DGKD: variants seen among roughly 807,000 people sequenced by gnomAD.
DGKD encodes the protein DAG kinase delta.
A neutral mutation model predicts 154.4 loss-of-function variants in DGKD; 68 were observed. That is an observed-to-expected ratio of 0.44 (90% CI 0.36 to 0.54). DGKD has a LOEUF of 0.54. Ranked by LOEUF, DGKD falls within the 20% of genes least tolerant of loss-of-function variation. The pLI, the probability that DGKD is intolerant of heterozygous loss-of-function variation, is 0.00. For missense variants in DGKD, 1,343 were observed against 1,593.6 expected, an observed-to-expected ratio of 0.84 and a Z score of 2.68; for synonymous variants, 693 against 638.0, an observed-to-expected ratio of 1.09 and a Z score of -1.30.
intron 1 of DGKD, among the ~76,000 whole-genome samples, chr2:233,363,456 T>A (rs1701879829): frequency 6.6e-6 from 1 of 152,122 alleles, no homozygotes; most frequent in African/African-American, 2.4e-5. Flanking sequence ...AGTAAAAAAT[T>A]AAATTAAAAG....
chr2:233,468,625 C>T, intron 29 of DGKD, 72 bp downstream of exon 29: 2 of 1,593,686 alleles, frequency 1.3e-6, no homozygotes, highest in Non-Finnish European at 1.7e-6. Flanking sequence ...CCATCCTCTC[C>T]CCCGACCTGG....
At position 233,390,496 on chromosome 2, in the gene DGKD, A is replaced by G; in HGVS notation, c.348+13A>G. 6.2e-7 allele frequency: 1 copy of G among 1,607,376 alleles called. No homozygotes were observed. The highest frequency in any genetic ancestry group is 8.5e-7 in the Non-Finnish European group (1 of 1,173,990). On this transcript the variant is annotated intron_variant, in intron 3 of 29. Coordinates refer to ENST00000264057, the MANE Select transcript of DGKD (RefSeq NM_152879.3). ...CAACAGTTTTACGGTAAGATTCCTC[A>G]GTCATGCCTTTCTTGATTCTTCACT...
At position 233,438,792 on chromosome 2, in the gene DGKD, A is replaced by ATCTG. The variant is rs2062796087; in HGVS notation, c.1085+416_1085+417insGTCT. Among the ~76,000 whole-genome samples, 1 of 147,942 alleles carries ATCTG rather than the reference A, an allele frequency of 6.8e-6. No individual in the cohort carries two copies. Among genetic ancestry groups the ATCTG allele is most frequent in the Admixed American group, 6.6e-5 (1 of 15,058 alleles). ...TATCTATCTATCTATCTATCTATCT[A>ATCTG]TCTATCTATCTATCTATCTATCTGT... is the stretch of plus-strand genomic sequence containing the variant. On this transcript the variant is annotated intron_variant, in intron 9 of 29. Coordinates refer to ENST00000264057, the MANE Select transcript of DGKD (RefSeq NM_152879.3). This position sits in a 1 kb window ranked among gnomAD's most constrained non-coding sequence, Gnocchi z 4.1.
intron 1 of DGKD, among the ~76,000 whole-genome samples, chr2:233,384,009 A>G (rs931143523): frequency 6.6e-6 from 1 of 152,112 alleles, no homozygotes; most frequent in African/African-American, 2.4e-5. Flanking sequence ...ATGTGGCTAT[A>G]TGGTGATAAT....
intron 4 of DGKD, 139 bp downstream of exon 4, chr2:233,434,623 T>C: frequency 6.9e-7 from 1 of 1,444,800 alleles, no homozygotes; most frequent in Admixed American, 2.0e-5. Context: ...AATTAAAGCT[T>C]ATTGCTTGTC....
At chr2:233,446,928 G>A in intron 12 of DGKD, 132 bp downstream of exon 12, 1 of 1,027,996 alleles carries the variant, frequency 9.7e-7, no homozygotes, top group Non-Finnish European at 1.4e-6. Flanking sequence ...CAGGCCTGCG[G>A]AGGCGCAGGG....
chr2:233,429,598 G>C (rs1403052463), intron 3 of DGKD, among the ~76,000 whole-genome samples: 1 of 152,220 alleles, frequency 6.6e-6, no homozygotes, highest in East Asian at 1.9e-4. Context: ...GTTCTGTGAG[G>C]GGAGGAACTT....
At chr2:233,446,941 A>C (rs979785035) in intron 12 of DGKD, 145 bp downstream of exon 12, 9 of 923,296 alleles carry the variant, frequency 9.7e-6, no homozygotes, top group Non-Finnish European at 1.4e-5. Context: ...GCGCAGGGTG[A>C]ACCCATGGCT....
chr2:233,452,082 A>T lies in DGKD; in HGVS notation c.2264+22A>T. On this transcript the variant is annotated intron_variant, in intron 18 of 29. Coordinates refer to ENST00000264057, the MANE Select transcript of DGKD (RefSeq NM_152879.3). The surrounding 1 kb of genome is among the most constrained non-coding windows in gnomAD (Gnocchi z 4.0). Reference sequence around the variant, plus strand: ...CCCTGTGAGTATGAGGGATAAACCGAGTGGGCATATTGTTACATGGCTGCT... The same window carrying T: ...CCCTGTGAGTATGAGGGATAAACCGTGTGGGCATATTGTTACATGGCTGCT... The T allele has an allele frequency of 6.3e-7, 1 of 1,599,654 alleles. No homozygotes were observed. The highest frequency in any genetic ancestry group is 1.3e-5 in the African/African-American group (1 of 74,710).
At chr2:233,372,186 A>G (rs1346800878) in intron 1 of DGKD, among the ~76,000 whole-genome samples, 4 of 151,982 alleles carry the variant, frequency 2.6e-5, no homozygotes, top group African/African-American at 7.2e-5. Flanking sequence ...ACACCTGGGT[A>G]ATTTTTGTAT....
At chr2:233,387,380 A>G (rs918740312) in intron 1 of DGKD, among the ~76,000 whole-genome samples, 3 of 152,128 alleles carry the variant, frequency 2.0e-5, no homozygotes, top group Non-Finnish European at 4.4e-5. Context: ...GGGATGTAAC[A>G]TAGTGTGCGA....
intron 1 of DGKD, among the ~76,000 whole-genome samples, chr2:233,376,048 C>G (rs1702559397): frequency 6.6e-6 from 1 of 152,068 alleles, no homozygotes; most frequent in Non-Finnish European, 1.5e-5. Context: ...GGATTTTGTT[C>G]TGTAGGTTTC....
chr2:233,451,128 C>G (rs73117559), intron 17 of DGKD, 78 bp downstream of exon 17: 14 of 1,482,468 alleles, frequency 9.4e-6, no homozygotes, highest in Middle Eastern at 1.9e-4. Flanking sequence ...GAGATGGGCT[C>G]GCTGCCCTCG....
chr2:233,417,968 A>G (rs570774867), intron 3 of DGKD, among the ~76,000 whole-genome samples: 18 of 152,216 alleles, frequency 1.2e-4, no homozygotes, highest in African/African-American at 1.9e-4. Flanking sequence ...CAAAATGTCA[A>G]TAGTGCTGAG....
chr2:233,412,724 A>T (rs1177783062), intron 3 of DGKD, among the ~76,000 whole-genome samples: 1 of 152,218 alleles, frequency 6.6e-6, no homozygotes, highest in African/African-American at 2.4e-5. Flanking sequence ...TGTTAGCTGT[A>T]GGCTTTTTGT....
At chr2:233,367,767 G>T (rs1202690687) in intron 1 of DGKD, among the ~76,000 whole-genome samples, 1 of 151,886 alleles carries the variant, frequency 6.6e-6, no homozygotes, top group Non-Finnish European at 1.5e-5. Flanking sequence ...CTTGGAGGTG[G>T]GTGTGTCCTG....
intron 1 of DGKD, among the ~76,000 whole-genome samples, chr2:233,369,593 C>T (rs969679201): frequency 6.6e-6 from 1 of 152,182 alleles, no homozygotes; most frequent in Non-Finnish European, 1.5e-5. Flanking sequence ...CAGCCTCTCC[C>T]CTCCCCCTTT....
At chr2:233,426,281 C>A (rs2062295269) in intron 3 of DGKD, among the ~76,000 whole-genome samples, 1 of 152,148 alleles carries the variant, frequency 6.6e-6, no homozygotes, top group Non-Finnish European at 1.5e-5. Context: ...GGAGTCTGGG[C>A]AGCTCTGCAC....
chr2:233,380,447 A>G (rs1702829853), intron 1 of DGKD, among the ~76,000 whole-genome samples: 2 of 152,214 alleles, frequency 1.3e-5, no homozygotes, highest in South Asian at 2.1e-4. Context: ...TGGCTGCTGC[A>G]GCACTAAATG....
Sources: allele counts gnomAD v4.1 joint callset (sites outside exome capture counted in the v4.1 genomes callset), GRCh38; gene constraint gnomAD v4.1.1; non-coding constraint Gnocchi (gnomAD v3.1); transcripts MANE v1.5; gene names NCBI Gene and HGNC (gene_info 2026-07-23, HGNC 2026-07-21).